Variants in ADGRG4 observed in about 807,000 individuals in gnomAD.
ADGRG4 encodes the protein G protein-coupled receptor 112.
ADGRG4 carries 122 observed loss-of-function variants against 126.2 expected under a neutral mutation model. The ratio of observed to expected loss-of-function variants is 0.97; its 90% CI spans 0.83 to 1.12. ADGRG4 has a LOEUF of 1.12. Ranked by LOEUF, ADGRG4 falls within the 50% of genes most tolerant of loss-of-function variation. The pLI, the probability that ADGRG4 is intolerant of heterozygous loss-of-function variation, is 0.00. For synonymous variants in ADGRG4, 943 were observed against 838.7 expected, an observed-to-expected ratio of 1.12 and a Z score of -2.15; for missense variants, 2,481 against 2,251.8, an observed-to-expected ratio of 1.10 and a Z score of -2.06.
chrX:136,346,769 C>A lies in ADGRG4; in HGVS notation c.3063C>A (p.Gly1021=), dbSNP rs1186522562. Reference sequence around the variant, plus strand: ...ATATGTTCTCATTGCCAGTTAATGGCAGTTCTGTGGTGGCTGAGGAGACTG... The same window carrying A: ...ATATGTTCTCATTGCCAGTTAATGGAAGTTCTGTGGTGGCTGAGGAGACTG... ...VTHMFSLPVN[G]SSVVAEETEV... The change falls in exon 6 of 26, where the codon GGC becomes GGA. Residue 1021 remains glycine (G), a synonymous_variant. Transcript: ENST00000394143. The A allele has an allele frequency of 2.5e-6, 3 of 1,209,247 alleles. No individual in the cohort carries two copies. The highest frequency in any genetic ancestry group is 3.5e-5 in the African/African-American group (2 of 57,185).
rs111914181 is a variant in ADGRG4 at position 136,348,316 on chromosome X, C to T, written c.4610C>T (p.Thr1537Ile). The change falls in exon 6 of 26, where the codon ACT (threonine) becomes ATT (isoleucine). Residue 1537 changes from threonine (T) to isoleucine (I), a missense_variant. Coordinates refer to ENST00000394143, the MANE Select transcript of ADGRG4 (RefSeq NM_153834.4). ...KVSDTPPIVI[T>I]KSSKTMHPGC... ...TCTGACACTCCCCCAATAGTGATAACTAAATCTTCTAAAACAATGCATCCA... is the reference window on the plus strand; with the variant it reads ...TCTGACACTCCCCCAATAGTGATAATTAAATCTTCTAAAACAATGCATCCA... The T allele has an allele frequency of 3.6e-5, 43 of 1,208,986 alleles. No homozygotes were observed. Among genetic ancestry groups the T allele is most frequent in the African/African-American group, 1.9e-4 (11 of 57,637 alleles).
At chrX:136,366,532 C>T (rs1313129956) in intron 13 of ADGRG4, among the ~76,000 whole-genome samples, 1 of 112,171 alleles carries the variant, frequency 8.9e-6, no homozygotes, top group Non-Finnish European at 1.9e-5. Context: ...GTTAAGTGTT[C>T]AACTCATTTG....
chrX:136,415,404 T>G (rs1234359512), intron 25 of ADGRG4, among the ~76,000 whole-genome samples: 1 of 111,283 alleles, frequency 9.0e-6, no homozygotes, highest in East Asian at 2.8e-4. Flanking sequence ...GCTACATTCT[T>G]TCTACCTTTC....
intron 15 of ADGRG4, among the ~76,000 whole-genome samples, chrX:136,373,542 T>C (rs2075207372): frequency 8.9e-6 from 1 of 111,838 alleles, no homozygotes; most frequent in Non-Finnish European, 1.9e-5. Flanking sequence ...TCAAAACAAT[T>C]TCAGAGGTTA....
chrX:136,403,154 A>C (rs1176115329), intron 21 of ADGRG4, 90 bp from the exon 22 acceptor site: 1 of 634,353 alleles, frequency 1.6e-6, no homozygotes, highest in Admixed American at 2.4e-5. Flanking sequence ...TTATTTAAAC[A>C]GTGTCTTAAT....
intron 5 of ADGRG4, among the ~76,000 whole-genome samples, chrX:136,327,812 T>C (rs1243824424): frequency 1.8e-5 from 2 of 111,334 alleles, no homozygotes; most frequent in African/African-American, 6.5e-5. Flanking sequence ...TAAATAGATT[T>C]ATCATTTTTA....
At chrX:136,403,365 C>T (rs1261736381) in intron 22 of ADGRG4, 43 bp downstream of exon 22, 1 of 1,021,122 alleles carries the variant, frequency 9.8e-7, no homozygotes, top group African/African-American at 1.8e-5. Context: ...GGGGCTCTGG[C>T]CCAGCAGGGT....
At chrX:136,358,604 A>G (rs746912588) in intron 10 of ADGRG4, among the ~76,000 whole-genome samples, 13 of 112,243 alleles carry the variant, frequency 1.2e-4, no homozygotes, top group African/African-American at 3.9e-4. Context: ...GAAGTCAAGG[A>G]CAGCTCTATC....
intron 24 of ADGRG4, among the ~76,000 whole-genome samples, chrX:136,413,895 C>A (rs1222611862): frequency 1.8e-5 from 2 of 110,282 alleles, no homozygotes; most frequent in South Asian, 3.9e-4. Context: ...CATGCGCCAC[C>A]CCGCCCGGCT....
chrX:136,348,137 T>G lies in ADGRG4; in HGVS notation c.4431T>G (p.Gly1477=). ...SLSTAGLYND[G]FTVLSDRITT... is the part of the protein sequence containing the mutation. ...CCACAGCTGGACTATATAATGACGGTTTTACAGTTCTCTCCGACAGGATCA... is the reference window on the plus strand; with the variant it reads ...CCACAGCTGGACTATATAATGACGGGTTTACAGTTCTCTCCGACAGGATCA... Residue 1477 remains glycine, a synonymous_variant, in exon 6 of 26, where the codon GGT becomes GGG. Coordinates refer to ENST00000394143, the MANE Select transcript of ADGRG4 (RefSeq NM_153834.4). 1 of 1,210,102 alleles carries G rather than the reference T, an allele frequency of 8.3e-7. No homozygotes were observed. The highest frequency in any genetic ancestry group is 1.1e-6 in the Non-Finnish European group (1 of 894,285).
intron 4 of ADGRG4, among the ~76,000 whole-genome samples, chrX:136,313,430 C>T (rs930994548): frequency 8.9e-6 from 1 of 112,569 alleles, no homozygotes; most frequent in Non-Finnish European, 1.9e-5. Flanking sequence ...TGTGTAAAAA[C>T]AGACATTTTG....
In ADGRG4 at chrX:136,397,491, C is replaced by CTTTTTTTTTTTTTTTTTTTTTT. The variant is rs1184936316; in HGVS notation, c.8185-387_8185-366dup. ...GCTATTTAAGGACTAAGGAAAAGGA[C>CTTTTTTTTTTTTTTTTTTTTTT]TTTTTTTTTTTTTTTTTTTTTTTTG... On this transcript the variant is annotated intron_variant, in intron 19 of 25. Coordinates refer to ENST00000394143, the MANE Select transcript of ADGRG4 (RefSeq NM_153834.4). 1.2e-4 allele frequency among the ~76,000 whole-genome samples: 6 copies of CTTTTTTTTTTTTTTTTTTTTTT among 50,576 alleles called. No homozygotes were observed. The East Asian group carries it at 2.1e-3, about 18-fold the overall frequency. 43.9% of individuals were successfully genotyped at this position (50,576 alleles called of 115,157 possible).
chrX:136,402,159 G>A (rs1260286365), intron 21 of ADGRG4, among the ~76,000 whole-genome samples: 3 of 112,520 alleles, frequency 2.7e-5, no homozygotes, highest in Non-Finnish European at 5.6e-5. Flanking sequence ...GAATGCCAAA[G>A]CAACCTGTTG....
At chrX:136,395,604 C>G (rs2075343121) in intron 19 of ADGRG4, 111 bp downstream of exon 19, 1 of 407,169 alleles carries the variant, frequency 2.5e-6, no homozygotes. Flanking sequence ...AAAAAATCCC[C>G]CTTCCAATTT....
At position 136,345,073 on chromosome X, in the gene ADGRG4, C is replaced by G. The variant is rs1375834788; in HGVS notation, c.1367C>G (p.Pro456Arg). ...VPWFTVEKTSPASTHVGTASS... is the reference protein window; with the variant it reads ...VPWFTVEKTSRASTHVGTASS... Reference sequence around the variant, plus strand: ...TGGTTTACAGTGGAAAAGACTTCACCTGCATCTACTCATGTTGGGACTGCA... The same window carrying G: ...TGGTTTACAGTGGAAAAGACTTCACGTGCATCTACTCATGTTGGGACTGCA... The change falls in exon 6 of 26, where the codon CCT becomes CGT. Residue 456 changes from proline to arginine, a missense_variant. Transcript: ENST00000394143. The G allele has an allele frequency of 8.3e-7, 1 of 1,210,329 alleles. No homozygotes were observed. Among genetic ancestry groups the G allele is most frequent in the Admixed American group, 2.2e-5 (1 of 45,972 alleles).
intron 4 of ADGRG4, among the ~76,000 whole-genome samples, chrX:136,314,566 C>G (rs2074793359): frequency 8.9e-6 from 1 of 112,007 alleles, no homozygotes; most frequent in Non-Finnish European, 1.9e-5. Flanking sequence ...TGGGACTAAG[C>G]TAAAAATGAC....
chrX:136,415,357 A>C (rs779752228), intron 25 of ADGRG4, among the ~76,000 whole-genome samples: 1 of 111,451 alleles, frequency 9.0e-6, no homozygotes, highest in African/African-American at 3.3e-5. Flanking sequence ...TCTGTCAGTC[A>C]CTCTGTGACC....
intron 13 of ADGRG4, among the ~76,000 whole-genome samples, chrX:136,365,154 C>T (rs937274916): frequency 9.0e-6 from 1 of 111,707 alleles, no homozygotes; most frequent in Non-Finnish European, 1.9e-5. Context: ...TCATAAAATT[C>T]GCTCATTTAA....
chrX:136,369,305 T>C (rs1011931468), intron 13 of ADGRG4, among the ~76,000 whole-genome samples: 1 of 112,404 alleles, frequency 8.9e-6, no homozygotes, highest in South Asian at 3.7e-4. Context: ...TTATTTTGAA[T>C]GTTGCAATTA....
Sources: allele counts gnomAD v4.1 joint callset (sites outside exome capture counted in the v4.1 genomes callset), GRCh38; gene constraint gnomAD v4.1.1; transcripts MANE v1.5; gene names NCBI Gene and HGNC (gene_info 2026-07-23, HGNC 2026-07-21).